Variants in TTC39C observed in about 807,000 individuals in gnomAD.
TTC39C encodes the protein tetratricopeptide repeat protein 39C.
A neutral mutation model predicts 76.3 loss-of-function variants in TTC39C; 33 were observed. The ratio of observed to expected loss-of-function variants is 0.43; its 90% CI spans 0.33 to 0.58. The LOEUF (loss-of-function observed/expected upper bound fraction) is 0.58. TTC39C is among the 20% of genes least tolerant of loss of function. The pLI, the probability that TTC39C is intolerant of heterozygous loss-of-function variation, is 0.04. For missense variants in TTC39C, 595 were observed against 701.4 expected (o/e 0.85, Z 1.71); for synonymous variants, 254 against 260.6 (o/e 0.97, Z 0.24).
chr18:24,044,875 G>C (rs2083844066), intron 1 of TTC39C, among the ~76,000 whole-genome samples: 1 of 152,132 alleles, frequency 6.6e-6, no homozygotes, highest in South Asian at 2.1e-4. Flanking sequence ...TACCTAACTT[G>C]TTTAGAAACA....
At chr18:24,059,841 A>C (rs2084069798) in intron 1 of TTC39C, among the ~76,000 whole-genome samples, 1 of 152,204 alleles carries the variant, frequency 6.6e-6, no homozygotes. Flanking sequence ...ATTAACTCAT[A>C]GTTCCACATG....
chr18:24,059,023 T>C (rs991303886), intron 1 of TTC39C, among the ~76,000 whole-genome samples: 15 of 152,334 alleles, frequency 9.8e-5, no homozygotes, highest in East Asian at 9.6e-4. Flanking sequence ...GAGCTCTTAG[T>C]TGGATATGTG....
intron 1 of TTC39C, among the ~76,000 whole-genome samples, chr18:24,023,504 C>T (rs1163299459): frequency 2.0e-5 from 3 of 152,232 alleles, no homozygotes; most frequent in Non-Finnish European, 4.4e-5. Context: ...TGGATGGCTG[C>T]TCTGTGAGCT....
chr18:24,040,903 T>C (rs560093466), intron 1 of TTC39C, among the ~76,000 whole-genome samples: 16 of 152,326 alleles, frequency 1.1e-4, no homozygotes, highest in African/African-American at 3.8e-4. Flanking sequence ...ATATTATAAA[T>C]TACTGATTAT....
intron 1 of TTC39C, among the ~76,000 whole-genome samples, chr18:24,042,491 G>T (rs946344262): frequency 6.6e-6 from 1 of 152,180 alleles, no homozygotes; most frequent in Non-Finnish European, 1.5e-5. Flanking sequence ...AGGTGGTAAT[G>T]CTCGCTCGCC....
chr18:24,107,890 G>GGT (rs908143000), intron 6 of TTC39C, among the ~76,000 whole-genome samples: 13 of 144,060 alleles, frequency 9.0e-5, no homozygotes, highest in Middle Eastern at 3.4e-3. Context: ...TCCCAAGTAG[G>GGT]GGGGGGGGTA....
chr18:23,999,825 A>C (rs1427254378), intron 1 of TTC39C, among the ~76,000 whole-genome samples: 1 of 152,206 alleles, frequency 6.6e-6, no homozygotes, highest in African/African-American at 2.4e-5. Flanking sequence ...GGAGGCCCAA[A>C]ACTTAGGTCC....
rs955332998 is a variant in TTC39C, at chr18:24,132,696, A to G, written c.*122A>G. On this transcript the variant is annotated 3_prime_UTR_variant, in exon 14 of 14. Transcript: ENST00000317571. ...TGAAAACCACCTGTGCCAGGGACAC[A>G]TTTTCCCAGTTAAGCTGACATATTA... The G allele has an allele frequency of 1.5e-6, 1 of 681,834 alleles. No individual in the cohort carries two copies. Among genetic ancestry groups the G allele is most frequent in the Non-Finnish European group, 2.4e-6 (1 of 417,842 alleles). 42.2% of individuals were successfully genotyped at this position (681,834 alleles called of 1,614,324 possible).
chr18:24,112,607 G>A (rs185852551), intron 6 of TTC39C, among the ~76,000 whole-genome samples: 3 of 152,230 alleles, frequency 2.0e-5, no homozygotes, highest in East Asian at 3.9e-4. Flanking sequence ...GGCACATAGC[G>A]GTTGCCCAGT....
intron 1 of TTC39C, among the ~76,000 whole-genome samples, chr18:23,995,090 G>A (rs887163274): frequency 6.6e-6 from 1 of 151,988 alleles, no homozygotes; most frequent in East Asian, 1.9e-4. Context: ...TGCCTTTATG[G>A]TATCACTTAC....
intron 1 of TTC39C, among the ~76,000 whole-genome samples, chr18:24,016,937 T>C (rs559844398): frequency 2.6e-5 from 4 of 152,216 alleles, no homozygotes; most frequent in Non-Finnish European, 4.4e-5. Flanking sequence ...TATCTTATCA[T>C]GACAGTTTTG....
At chr18:24,080,450 A>T in intron 4 of TTC39C, 135 bp from the exon 5 acceptor site, 2 of 653,430 alleles carry the variant, frequency 3.1e-6, no homozygotes, top group Non-Finnish European at 5.2e-6. Context: ...AACACTGGGT[A>T]CAACAATAGA....
At chr18:24,124,115 T>C in intron 9 of TTC39C, 172 bp downstream of exon 9, 1 of 474,584 alleles carries the variant, frequency 2.1e-6, no homozygotes, top group Non-Finnish European at 3.7e-6. Flanking sequence ...CTGCTCTGAA[T>C]AGAAGATTCT....
intron 1 of TTC39C, among the ~76,000 whole-genome samples, chr18:24,058,794 T>C (rs142964998): frequency 6.6e-6 from 1 of 152,386 alleles, no homozygotes; most frequent in African/African-American, 2.4e-5. Context: ...ACGCTTGATA[T>C]TGTCAGTCCT....
chr18:24,131,786 G>A (rs919234940), intron 12 of TTC39C, 96 bp from the exon 13 acceptor site: 2 of 976,278 alleles, frequency 2.0e-6, no homozygotes, highest in Admixed American at 2.1e-5. Flanking sequence ...TATGTCTACA[G>A]TGAATTGTTT....
chr18:24,064,354 C>T (rs2084140201), intron 2 of TTC39C, among the ~76,000 whole-genome samples, 166 bp downstream of exon 2: 1 of 152,104 alleles, frequency 6.6e-6, no homozygotes, highest in Non-Finnish European at 1.5e-5. Flanking sequence ...AATAATCTGC[C>T]TTCCCTAATT....
At chr18:24,090,401 G>A (rs892289048) in intron 6 of TTC39C, among the ~76,000 whole-genome samples, 16 of 152,008 alleles carry the variant, frequency 1.1e-4, no homozygotes, top group Non-Finnish European at 1.9e-4. Context: ...AGTTTTGTTT[G>A]CCTATTTTTA....
At chr18:24,119,881 G>A (rs1291178686) in intron 8 of TTC39C, among the ~76,000 whole-genome samples, 1 of 152,072 alleles carries the variant, frequency 6.6e-6, no homozygotes, top group Non-Finnish European at 1.5e-5. Flanking sequence ...CACAGTCGAT[G>A]GTGGACAGCT....
chr18:23,999,146 G>A (rs1157387967), intron 1 of TTC39C, among the ~76,000 whole-genome samples: 1 of 152,158 alleles, frequency 6.6e-6, no homozygotes, highest in Non-Finnish European at 1.5e-5. Context: ...TGGACATATG[G>A]GTGTGATGAA....
Sources: allele counts gnomAD v4.1 joint callset (sites outside exome capture counted in the v4.1 genomes callset), GRCh38; gene constraint gnomAD v4.1.1; transcripts MANE v1.5; gene names NCBI Gene and HGNC (gene_info 2026-07-23, HGNC 2026-07-21).